Variants in GRIK2 observed in about 807,000 individuals in gnomAD.
GRIK2 encodes the protein glutamate receptor ionotropic, kainate 2.
Under a neutral mutation model 100.3 loss-of-function variants are expected in GRIK2, and 32 were observed. The observed-to-expected ratio is 0.32, with a 90% CI of 0.24 to 0.43. The LOEUF (loss-of-function observed/expected upper bound fraction) is 0.43. GRIK2 is among the 20% of genes least tolerant of loss of function. GRIK2 has a pLI of 1.00. For missense variants in GRIK2, 843 were observed against 1,114.9 expected, an observed-to-expected ratio of 0.76 and a Z score of 3.47; for synonymous variants, 417 against 389.4, an observed-to-expected ratio of 1.07 and a Z score of -0.83.
At chr6:101,778,430 C>A (rs762049613) in intron 7 of GRIK2, among the ~76,000 whole-genome samples, 4 of 152,052 alleles carry the variant, frequency 2.6e-5, no homozygotes, top group Non-Finnish European at 5.9e-5. Flanking sequence ...TTATTGCATT[C>A]AACATTGAAA....
intron 2 of GRIK2, among the ~76,000 whole-genome samples, chr6:101,478,201 T>C (rs1019599051): frequency 5.9e-5 from 9 of 152,156 alleles, no homozygotes; most frequent in African/African-American, 2.2e-4. Context: ...ATGATTAGGT[T>C]TTTTTGAGTC....
chr6:101,755,247 A>T (rs1356729424), intron 7 of GRIK2, among the ~76,000 whole-genome samples: 1 of 145,310 alleles, frequency 6.9e-6, no homozygotes, highest in Admixed American at 7.1e-5. Flanking sequence ...ACTCACTGCA[A>T]GCTCCGCTTC....
chr6:101,498,876 G>C (rs977887366), intron 2 of GRIK2, among the ~76,000 whole-genome samples: 29 of 152,090 alleles, frequency 1.9e-4, no homozygotes, highest in Non-Finnish European at 3.4e-4. Flanking sequence ...AGTTTAATTA[G>C]ATCTCATTTG....
At chr6:101,773,223 G>A (rs1583118582) in intron 7 of GRIK2, among the ~76,000 whole-genome samples, 2 of 152,276 alleles carry the variant, frequency 1.3e-5, no homozygotes, top group South Asian at 4.1e-4. Flanking sequence ...GCTCATGCCT[G>A]TAATCCCAGC....
At chr6:101,719,933 AAG>A (rs543860453) in intron 7 of GRIK2, among the ~76,000 whole-genome samples, 148 of 152,144 alleles carry the variant, frequency 9.7e-4, no homozygotes, top group Admixed American at 1.4e-3. Context: ...TTCAAAAAGA[AAG>A]AGAGAGAAAA....
At chr6:101,412,576 T>C (rs1454954475) in intron 2 of GRIK2, among the ~76,000 whole-genome samples, 1 of 152,030 alleles carries the variant, frequency 6.6e-6, no homozygotes, top group Non-Finnish European at 1.5e-5. Context: ...TCTCAGAAGC[T>C]TTCTTTTTGG....
chr6:101,523,839 C>T (rs1340403439), intron 2 of GRIK2, among the ~76,000 whole-genome samples: 1 of 151,866 alleles, frequency 6.6e-6, no homozygotes, highest in African/African-American at 2.4e-5. Flanking sequence ...ACTGCCTCAG[C>T]CTCCCAAATA....
intron 7 of GRIK2, among the ~76,000 whole-genome samples, chr6:101,772,774 C>G (rs1285095433): frequency 1.3e-5 from 2 of 151,572 alleles, no homozygotes; most frequent in African/African-American, 4.8e-5. Context: ...GAAGCAAAGA[C>G]TACTCTCTAA....
intron 14 of GRIK2, among the ~76,000 whole-genome samples, chr6:101,951,509 T>C (rs1397499324): frequency 6.6e-6 from 1 of 152,194 alleles, no homozygotes; most frequent in African/African-American, 2.4e-5. Flanking sequence ...TAGGTTCATA[T>C]GCAGCTGTAA....
At chr6:101,571,075 G>A (rs1777502956) in intron 2 of GRIK2, among the ~76,000 whole-genome samples, 1 of 152,040 alleles carries the variant, frequency 6.6e-6, no homozygotes, top group Non-Finnish European at 1.5e-5. Flanking sequence ...TTGTGTATGT[G>A]AGATTTAGAT....
chr6:101,865,888 CAAAAAAAAAGAAAAAAA>C (rs1785022345), intron 11 of GRIK2, among the ~76,000 whole-genome samples: 1 of 88,134 alleles, frequency 1.1e-5, no homozygotes, highest in African/African-American at 4.4e-5. Flanking sequence ...GACCCCGTCT[CAAAAAAAAAGAAAAAAA>C]AAAAAGAAAG....
chr6:101,994,643 T>C (rs1411209496), intron 14 of GRIK2, among the ~76,000 whole-genome samples: 2 of 151,838 alleles, frequency 1.3e-5, no homozygotes, highest in Non-Finnish European at 2.9e-5. Flanking sequence ...GCAGGATTTC[T>C]CCCCTAGCAA....
chr6:101,542,969 T>A (rs1377757793), intron 2 of GRIK2, among the ~76,000 whole-genome samples: 1 of 152,128 alleles, frequency 6.6e-6, no homozygotes, highest in African/African-American at 2.4e-5. Context: ...CTTCTCTTAA[T>A]GGATAATGAC....
intron 14 of GRIK2, among the ~76,000 whole-genome samples, chr6:101,932,481 C>G (rs1157571593): frequency 6.6e-6 from 1 of 151,848 alleles, no homozygotes; most frequent in Non-Finnish European, 1.5e-5. Flanking sequence ...TCCTTAGATT[C>G]TAATCTATAC....
At chr6:101,947,003 AC>A (rs1582593134) in intron 14 of GRIK2, among the ~76,000 whole-genome samples, 2 of 152,144 alleles carry the variant, frequency 1.3e-5, no homozygotes, top group African/African-American at 4.8e-5. Context: ...AAACGTTGCT[AC>A]CTTGTAATAT....
chr6:101,467,535 A>T (rs1470899169), intron 2 of GRIK2, among the ~76,000 whole-genome samples: 1 of 152,216 alleles, frequency 6.6e-6, no homozygotes. Flanking sequence ...AAGGTAAGCT[A>T]AAGTCTTTCA....
chr6:101,622,713 TTA>T (rs749017053), intron 3 of GRIK2, among the ~76,000 whole-genome samples: 40 of 152,074 alleles, frequency 2.6e-4, no homozygotes, highest in African/African-American at 7.9e-4. Flanking sequence ...TTAGAATACT[TTA>T]TGAGTTTTAT....
At chr6:101,526,146 T>C (rs1775144523) in intron 2 of GRIK2, among the ~76,000 whole-genome samples, 1 of 152,186 alleles carries the variant, frequency 6.6e-6, no homozygotes, top group Admixed American at 6.5e-5. Flanking sequence ...TCACTGTGTG[T>C]TATCCTTCAC....
At chr6:101,719,959 AAG>A (rs1319119064) in intron 7 of GRIK2, among the ~76,000 whole-genome samples, 1 of 152,030 alleles carries the variant, frequency 6.6e-6, no homozygotes, top group Admixed American at 6.6e-5. Flanking sequence ...ATGAGAGAGA[AAG>A]AGAAAAGGAG....
Sources: allele counts gnomAD v4.1 joint callset (sites outside exome capture counted in the v4.1 genomes callset), GRCh38; gene constraint gnomAD v4.1.1; transcripts MANE v1.5; gene names NCBI Gene and HGNC (gene_info 2026-07-23, HGNC 2026-07-21).